EP300: variants seen among roughly 807,000 people sequenced by gnomAD.
EP300 encodes the protein EP300 lysine acetyltransferase.
In EP300, 31 loss-of-function variants were observed where a neutral mutation model predicts 264.0. The observed-to-expected ratio is 0.12, with a 90% confidence interval of 0.09 to 0.16. The LOEUF is 0.16. Among genes scored for constraint, EP300 ranks in the 10% least tolerant of loss-of-function variants. The probability of loss-of-function intolerance (pLI) is 1.00; values close to 1 mark genes in which losing one functional copy is unlikely to be tolerated. For missense variants in EP300, 2,766 were observed against 3,052.9 expected, an observed-to-expected ratio of 0.91 and a Z score of 2.21; for synonymous variants, 1,340 against 1,045.4, an observed-to-expected ratio of 1.28 and a Z score of -5.44.
At chr22:41,164,741 C>T (rs560667140) in intron 22 of EP300, among the ~76,000 whole-genome samples, 2 of 151,958 alleles carry the variant, frequency 1.3e-5, no homozygotes, top group African/African-American at 4.8e-5. Flanking sequence ...GCTTTTGTTC[C>T]GGCATCTAGA....
Position 41,176,538 on chromosome 22 carries a change from G to A in EP300, c.5061+10G>A, listed in dbSNP as rs78432056. On this transcript the variant is annotated intron_variant, in intron 30 of 30. Transcript: ENST00000263253. Reference sequence around the variant, plus strand: ...CTGTACTGTCTGTGAGGTAGGCACCGGGTTGTGGGAAGGAGGAGGTGAGCT... The same window carrying A: ...CTGTACTGTCTGTGAGGTAGGCACCAGGTTGTGGGAAGGAGGAGGTGAGCT... 1.7e-3 allele frequency: 2,676 copies of A among 1,613,584 alleles called. 2 individuals carry two copies. Among genetic ancestry groups the A allele is most frequent in the Non-Finnish European group, 2.1e-3 (2,470 of 1,179,954 alleles).
At chr22:41,150,228 C>A in intron 14 of EP300, 30 bp downstream of exon 14, 1 of 1,574,516 alleles carries the variant, frequency 6.4e-7, no homozygotes, top group South Asian at 1.1e-5. Context: ...TAGGCAGAAT[C>A]ATTAGAGCTA....
chr22:41,137,546 G>C, intron 7 of EP300, 107 bp from the exon 8 acceptor site: 1 of 1,453,384 alleles, frequency 6.9e-7, no homozygotes, highest in East Asian at 2.3e-5. Context: ...GCGAATAGAA[G>C]TGACATAGCA....
intron 1 of EP300, among the ~76,000 whole-genome samples, chr22:41,104,612 A>G (rs977272382): frequency 2.0e-5 from 3 of 152,128 alleles, no homozygotes; most frequent in Non-Finnish European, 2.9e-5. Context: ...TTTCACAAGA[A>G]GTGTCACTAT....
At chr22:41,113,826 G>A (rs1165743933) in intron 1 of EP300, among the ~76,000 whole-genome samples, 4 of 152,212 alleles carry the variant, frequency 2.6e-5, no homozygotes, top group South Asian at 2.1e-4. Flanking sequence ...GATAACAGGC[G>A]TGAGCCACTG....
rs1431755616 is a variant in EP300, at chr22:41,093,117, G to A, written c.94+19G>A. 5.6e-6 allele frequency: 9 copies of A among 1,611,962 alleles called. No individual in the cohort carries two copies. Among genetic ancestry groups the A allele is most frequent in the African/African-American group, 2.7e-5 (2 of 74,890 alleles). ...GGCACAGGTTAGTTTCGGCAGCCCC[G>A]GCCTTCCACGTTCCCTTTAATCTTT... On this transcript the variant is annotated intron_variant, in intron 1 of 30. Coordinates refer to ENST00000263253, the MANE Select transcript of EP300 (RefSeq NM_001429.4).
chr22:41,169,662 A>G, intron 26 of EP300, 46 bp downstream of exon 26: 1 of 1,126,488 alleles, frequency 8.9e-7, no homozygotes, highest in South Asian at 1.2e-5. Context: ...CTAGCATGGC[A>G]TTCTGGTGAG....
At chr22:41,125,111 CCTTTTTTTTTT>C (rs2058873505) in intron 2 of EP300, among the ~76,000 whole-genome samples, 1 of 123,550 alleles carries the variant, frequency 8.1e-6, no homozygotes, top group Admixed American at 9.3e-5. Flanking sequence ...GCTTTTCTTT[CCTTTTTTTTTT>C]TTTTTTTTTT....
chr22:41,137,581 T>C (rs2058959036), intron 7 of EP300, 72 bp from the exon 8 acceptor site: 1 of 1,582,988 alleles, frequency 6.3e-7, no homozygotes, highest in African/African-American at 1.3e-5. Flanking sequence ...CAATAATCAG[T>C]GTCAGCTTGA....
At chr22:41,112,688 G>T (rs529856156) in intron 1 of EP300, among the ~76,000 whole-genome samples, 15 of 141,352 alleles carry the variant, frequency 1.1e-4, no homozygotes, top group Non-Finnish European at 2.3e-4. Context: ...TCTTATATTG[G>T]CCATGTGTAA....
rs1363868184 is a variant in EP300 at position 41,168,611 on chromosome 22, T to A, written c.4025+12T>A. 1 of 1,614,062 alleles carries A rather than the reference T, an allele frequency of 6.2e-7. No individual in the cohort carries two copies. The highest frequency in any genetic ancestry group is 1.3e-5 in the African/African-American group (1 of 74,904). Reference sequence around the variant, plus strand: ...GGCATGAAAGCAAGGTATCTAGTCATTTCACTTTTCTTCTCCTCGTGGATC... The same window carrying A: ...GGCATGAAAGCAAGGTATCTAGTCAATTCACTTTTCTTCTCCTCGTGGATC... On this transcript the variant is annotated intron_variant, in intron 24 of 30. Coordinates refer to ENST00000263253, the MANE Select transcript of EP300 (RefSeq NM_001429.4).
chr22:41,168,212 T>C (rs926541377), intron 23 of EP300: 3 of 539,696 alleles, frequency 5.6e-6, no homozygotes, highest in Non-Finnish European at 3.3e-6. Context: ...TATTGAGTAC[T>C]GTGTCTGCTT....
In EP300 at chr22:41,146,763, T is replaced by C. The variant is rs199636064; in HGVS notation, c.2078T>C (p.Met693Thr). 2.5e-6 allele frequency: 4 copies of C among 1,614,100 alleles called. No individual in the cohort carries two copies. Among genetic ancestry groups the C allele is most frequent in the Non-Finnish European group, 1.7e-6 (2 of 1,180,034 alleles). The change falls in exon 11 of 31, where the codon ATG (methionine) becomes ACG (threonine). Residue 693 changes from methionine (M) to threonine (T), a missense_variant. Transcript: ENST00000263253. ...TSNGPLPDPS[M>T]IRGSVPNQMM... ...GATGGCCCTCTACCTGACCCAAGTA[T>C]GATCCGTGGCAGTGTGCCAAACCAG...
At chr22:41,129,852 T>G in intron 4 of EP300, 38 bp from the exon 5 acceptor site, 1 of 1,529,894 alleles carries the variant, frequency 6.5e-7, no homozygotes, top group Non-Finnish European at 9.0e-7. Flanking sequence ...GTAAAAACAT[T>G]AACCTGCTCT....
At chr22:41,096,099 A>G (rs148295258) in intron 1 of EP300, among the ~76,000 whole-genome samples, 67 of 152,238 alleles carry the variant, frequency 4.4e-4, no homozygotes, top group Middle Eastern at 3.4e-3. Flanking sequence ...TTTTTATTTC[A>G]TTTGGTATGG....
intron 19 of EP300, chr22:41,159,023 A>G (rs981183252): frequency 6.4e-6 from 1 of 156,226 alleles, no homozygotes. Flanking sequence ...ACTTTTCCCA[A>G]CCCAGCCTTG....
At position 41,093,073 on chromosome 22, in the gene EP300, C is replaced by A. The variant is rs543993838; in HGVS notation, c.69C>A (p.Leu23=). ...GGCCTAAACTCTCATCTCCGGCCCT[C>A]TCGGCGTCCGCCAGCGATGGCACAG... is the stretch of plus-strand genomic sequence containing the variant. ...AKRPKLSSPA[L]SASASDGTDF... is the part of the protein sequence containing the mutation. Residue 23 remains leucine (L), a synonymous_variant, in exon 1 of 31, where the codon CTC becomes CTA. Transcript: ENST00000263253. 3.1e-6 allele frequency: 5 copies of A among 1,614,148 alleles called. No homozygotes were observed. In the East Asian group the frequency reaches 6.7e-5, roughly 22 times the overall value.
In EP300 at chr22:41,140,125, AT is replaced by A; in HGVS notation, c.1761-11del. 1 of 1,566,454 alleles carries A rather than the reference AT, an allele frequency of 6.4e-7. No individual in the cohort carries two copies. ...GCTGACATGATATTACAGTGGTAGG[AT>A]TTTCTTTTTCCAGCGTCCAAGCCAT... On this transcript the variant is annotated splice_polypyrimidine_tract_variant and intron_variant, in intron 8 of 30. Coordinates refer to ENST00000263253, the MANE Select transcript of EP300 (RefSeq NM_001429.4).
intron 1 of EP300, among the ~76,000 whole-genome samples, chr22:41,109,373 A>G (rs2058776232): frequency 6.6e-6 from 1 of 152,212 alleles, no homozygotes; most frequent in Non-Finnish European, 1.5e-5. Flanking sequence ...CTTCTATATT[A>G]CTAAAGCTGA....
Sources: gnomAD v4.1 joint callset for allele counts (sites outside exome capture counted in the v4.1 genomes callset) on GRCh38, gnomAD v4.1.1 for gene constraint, MANE v1.5 for transcripts, NCBI Gene and HGNC (gene_info 2026-07-23, HGNC 2026-07-21) for gene names.